GRIN2B: variants seen among roughly 807,000 people sequenced by gnomAD.
GRIN2B encodes the protein glutamate ionotropic receptor NMDA type subunit 2B.
Under a neutral mutation model 114.5 loss-of-function variants are expected in GRIN2B, and 5 were observed. The ratio of observed to expected loss-of-function variants is 0.04; its 90% CI spans 0.02 to 0.09. The LOEUF (loss-of-function observed/expected upper bound fraction) is 0.09. GRIN2B is among the 10% of genes least tolerant of loss of function. The pLI is 1.00. For missense variants in GRIN2B, 1,108 were observed against 1,943.5 expected, an observed-to-expected ratio of 0.57 and a Z score of 8.08; for synonymous variants, 787 against 745.1, an observed-to-expected ratio of 1.06 and a Z score of -0.92.
intron 3 of GRIN2B, among the ~76,000 whole-genome samples, chr12:13,832,254 C>T (rs903368001): frequency 6.6e-6 from 1 of 152,160 alleles, no homozygotes; most frequent in Non-Finnish European, 1.5e-5. Flanking sequence ...ACATTTACAT[C>T]ATCTGTGCTA....
Position 13,667,263 on chromosome 12 carries a change from C to T in GRIN2B, c.1125+8482G>A, listed in dbSNP as rs532628328. On this transcript the variant is annotated intron_variant, in intron 5 of 13. Transcript: ENST00000609686. ...ATATCTCAACAAAGTTAGAAGGCAG[C>T]GCACTGTATGAGAAGATCAAAAAGA... is the stretch of plus-strand genomic sequence containing the variant. 1.2e-3 allele frequency among the ~76,000 whole-genome samples: 178 copies of T among 152,256 alleles called. 2 individuals are homozygous for T. Among genetic ancestry groups the T allele is most frequent in the South Asian group, 6.2e-3 (30 of 4,824 alleles).
chr12:13,623,284 T>C (rs1172740828), intron 5 of GRIN2B, among the ~76,000 whole-genome samples: 8 of 152,190 alleles, frequency 5.3e-5, no homozygotes, highest in African/African-American at 1.7e-4. Context: ...GAAGACATAA[T>C]ACATATCTTG....
At chr12:13,621,226 C>T (rs1298366755) in intron 5 of GRIN2B, among the ~76,000 whole-genome samples, 2 of 152,048 alleles carry the variant, frequency 1.3e-5, no homozygotes, top group Non-Finnish European at 2.9e-5. Context: ...GAAAGAGAAG[C>T]CGGAGACACC....
chr12:13,866,272 G>T, intron 2 of GRIN2B, 46 bp from the exon 3 acceptor site: 1 of 1,538,532 alleles, frequency 6.5e-7, no homozygotes, highest in Non-Finnish European at 8.9e-7. Context: ...TCTACATCAC[G>T]TAACCTGTCT....
intron 5 of GRIN2B, among the ~76,000 whole-genome samples, chr12:13,625,479 T>C (rs1162783325): frequency 6.6e-6 from 1 of 152,234 alleles, no homozygotes; most frequent in African/African-American, 2.4e-5. Context: ...GCATGAATTA[T>C]TTAATCTCTC....
intron 3 of GRIN2B, among the ~76,000 whole-genome samples, chr12:13,767,147 C>T (rs895335695): frequency 1.3e-5 from 2 of 151,610 alleles, no homozygotes; most frequent in Non-Finnish European, 2.9e-5. Context: ...GTAGTACCAG[C>T]TACTCTGGAG....
chr12:13,862,140 A>C (rs976286879), intron 3 of GRIN2B, among the ~76,000 whole-genome samples: 2 of 152,128 alleles, frequency 1.3e-5, no homozygotes, highest in Admixed American at 6.5e-5. Flanking sequence ...TTCCACCATA[A>C]TATAAAGCTC....
intron 3 of GRIN2B, among the ~76,000 whole-genome samples, chr12:13,764,413 T>C (rs1463083676): frequency 1.3e-5 from 2 of 152,080 alleles, no homozygotes; most frequent in Admixed American, 6.6e-5. Flanking sequence ...CAGTCCTAAT[T>C]CCACAGATAA....
At chr12:13,704,756 C>A (rs1005333186) in intron 4 of GRIN2B, among the ~76,000 whole-genome samples, 1 of 152,120 alleles carries the variant, frequency 6.6e-6, no homozygotes, top group African/African-American at 2.4e-5. Flanking sequence ...GAGAGCTAAA[C>A]GAATTAATAC....
chr12:13,825,140 C>A (rs924219469), intron 3 of GRIN2B, among the ~76,000 whole-genome samples: 1 of 151,896 alleles, frequency 6.6e-6, no homozygotes, highest in Non-Finnish European at 1.5e-5. Flanking sequence ...TTAATTCAGT[C>A]CAAAATATAT....
chr12:13,716,811 T>C (rs1185503496), intron 4 of GRIN2B, among the ~76,000 whole-genome samples: 1 of 151,940 alleles, frequency 6.6e-6, no homozygotes, highest in African/African-American at 2.4e-5. Flanking sequence ...ATAGTAGTGT[T>C]AGTTTCATAA....
intron 2 of GRIN2B, among the ~76,000 whole-genome samples, chr12:13,908,023 A>C (rs1024370545): frequency 6.6e-6 from 1 of 152,082 alleles, no homozygotes; most frequent in African/African-American, 2.4e-5. Flanking sequence ...ACTTTTCAGC[A>C]GGGCAGAATG....
At chr12:13,760,311 G>C (rs982312148) in intron 3 of GRIN2B, among the ~76,000 whole-genome samples, 6 of 152,178 alleles carry the variant, frequency 3.9e-5, no homozygotes, top group Non-Finnish European at 8.8e-5. Context: ...CCCATAGGGT[G>C]CTCTCAGTAA....
At chr12:13,712,339 CTGCACGTTG>C (rs1414892627) in intron 4 of GRIN2B, among the ~76,000 whole-genome samples, 9 of 151,858 alleles carry the variant, frequency 5.9e-5, no homozygotes, top group African/African-American at 2.2e-4. Context: ...TGTAACAAAC[CTGCACGTTG>C]TGCACATGTA....
At chr12:13,677,382 G>A (rs1950085185) in intron 4 of GRIN2B, among the ~76,000 whole-genome samples, 1 of 152,066 alleles carries the variant, frequency 6.6e-6, no homozygotes, top group Non-Finnish European at 1.5e-5. Flanking sequence ...TATTCTTCTG[G>A]TGATTCTAAT....
chr12:13,981,738 A>G (rs1013298708), upstream of GRIN2B, among the ~76,000 whole-genome samples: 1 of 151,472 alleles, frequency 6.6e-6, no homozygotes, highest in Non-Finnish European at 1.5e-5. Flanking sequence ...TGTGCAAGTC[A>G]ACCGCGCGGC....
intron 3 of GRIN2B, among the ~76,000 whole-genome samples, chr12:13,827,714 C>T (rs1432583067): frequency 1.3e-5 from 2 of 151,888 alleles, no homozygotes; most frequent in South Asian, 2.1e-4. Context: ...CAGAGTTTCA[C>T]TCTGTCGCCC....
intron 3 of GRIN2B, among the ~76,000 whole-genome samples, chr12:13,784,247 A>G: frequency 7.9e-6 from 1 of 126,982 alleles, no homozygotes; most frequent in South Asian, 2.2e-4. Flanking sequence ...AAAAAAAAAA[A>G]AAAAAAAAAA....
intron 3 of GRIN2B, among the ~76,000 whole-genome samples, chr12:13,855,692 T>C (rs931181678): frequency 1.3e-5 from 2 of 152,196 alleles, no homozygotes; most frequent in Admixed American, 6.5e-5. Context: ...ACATTTGTCA[T>C]TGAATTTAGG....
Sources: gnomAD v4.1 joint callset for allele counts (sites outside exome capture counted in the v4.1 genomes callset) on GRCh38, gnomAD v4.1.1 for gene constraint, MANE v1.5 for transcripts, NCBI Gene and HGNC (gene_info 2026-07-23, HGNC 2026-07-21) for gene names.